The following AKAP13 variants were observed in gnomAD, a reference collection of about 807,000 sequenced individuals.
The protein encoded by AKAP13 is A-kinase anchoring protein 13, also known as A-kinase anchor protein 13.
In AKAP13, 80 loss-of-function variants were observed where a neutral mutation model predicts 264.5. The ratio of observed to expected loss-of-function variants is 0.30; its 90% CI spans 0.25 to 0.36. AKAP13 has a LOEUF of 0.36. Among genes scored for constraint, AKAP13 ranks in the 10% least tolerant of loss-of-function variants. The pLI is 1.00. For synonymous variants in AKAP13, 1,380 were observed against 1,250.2 expected, an observed-to-expected ratio of 1.10 and a Z score of -2.19; for missense variants, 3,712 against 3,435.2, an observed-to-expected ratio of 1.08 and a Z score of -2.01.
In AKAP13 at chr15:85,715,802, G is replaced by A. The variant is rs772477081; in HGVS notation, c.5614G>A (p.Glu1872Lys). 1 of 1,611,654 alleles carries A rather than the reference G, an allele frequency of 6.2e-7. No individual in the cohort carries two copies. The highest frequency in any genetic ancestry group is 8.5e-7 in the Non-Finnish European group (1 of 1,179,500). ...IMRNKPSQPK[E>K]RPRSAVLLVD... ...TCCTTTTGCAGCCTCACAGCCCAAG[G>A]AGCGTCCTCGGTCCGCAGTCCTCCT... The change falls in exon 20 of 37, where the codon GAG (glutamate) becomes AAG (lysine). Residue 1872 changes from glutamate to lysine, a missense_variant. By Grantham distance (56) the Glu-to-Lys change is moderately conservative (BLOSUM62 1). Coordinates refer to ENST00000394518, the MANE Select transcript of AKAP13 (RefSeq NM_007200.5).
chr15:85,635,356 A>G lies in AKAP13; in HGVS notation c.4162-4018A>G, dbSNP rs972817274. Among the ~76,000 whole-genome samples, 5 of 152,252 alleles carry G rather than the reference A, an allele frequency of 3.3e-5. No homozygotes were observed. The East Asian group carries it at 7.7e-4, about 23-fold the overall frequency. On this transcript the variant is annotated intron_variant, in intron 8 of 36. Transcript: ENST00000394518. ...TTTTTTGCTTATCTGCCTTTCGTAT[A>G]TCTTTTTAAATAAAATGTTTATTCA...
In AKAP13 at chr15:85,664,594, G is replaced by A; in HGVS notation, c.4831G>A (p.Gly1611Ser). Reference sequence around the variant, plus strand: ...TCTAGAAGGCTTGACAGGAGGAGCTGGTGTCGGAAACAAGCCATCCTCATC... The same window carrying A: ...TCTAGAAGGCTTGACAGGAGGAGCTAGTGTCGGAAACAAGCCATCCTCATC... ...FSLEGLTGGA[G>S]VGNKPSSSLE... is the part of the protein sequence containing the mutation. Residue 1611 changes from glycine to serine, a missense_variant, in exon 13 of 37, where the codon GGT (glycine) becomes AGT (serine). This residue lies in a region of AKAP13 where 2,759 missense variants were observed against 2,411.7 expected (regional missense o/e 1.14). Transcript: ENST00000394518. 3.1e-6 allele frequency: 5 copies of A among 1,613,460 alleles called. No homozygotes were observed. Among genetic ancestry groups the A allele is most frequent in the Non-Finnish European group, 4.2e-6 (5 of 1,179,614 alleles).
intron 1 of AKAP13, among the ~76,000 whole-genome samples, chr15:85,453,120 A>G (rs939475706): frequency 6.6e-6 from 1 of 152,142 alleles, no homozygotes; most frequent in African/African-American, 2.4e-5. Flanking sequence ...AGTTTACTGC[A>G]GCTTGTTGGA....
chr15:85,730,772 C>G (rs2087941469), intron 30 of AKAP13, 65 bp downstream of exon 30: 1 of 1,405,250 alleles, frequency 7.1e-7, no homozygotes. Context: ...ACTAATATTA[C>G]CTGCCAGTTT....
chr15:85,498,923 T>A (rs566067327), intron 2 of AKAP13, among the ~76,000 whole-genome samples: 3 of 152,300 alleles, frequency 2.0e-5, no homozygotes, highest in Admixed American at 2.0e-4. Flanking sequence ...ATGATTCTGA[T>A]GCACTCCAAA....
rs1008468129 is a variant in AKAP13 at position 85,445,565 on chromosome 15, G to T, written c.-11-40145G>T. Among the ~76,000 whole-genome samples, 4 of 152,052 alleles carry T rather than the reference G, an allele frequency of 2.6e-5. No homozygotes were observed. In the South Asian group the frequency reaches 8.3e-4, roughly 31 times the overall value. On this transcript the variant is annotated intron_variant, in intron 1 of 36. Coordinates refer to ENST00000394518, the MANE Select transcript of AKAP13 (RefSeq NM_007200.5). ...TTATGGAAGTAGTTTATATGACAGCGTGCTCTTATGAGCAGTCATTTAATT... is the reference window on the plus strand; with the variant it reads ...TTATGGAAGTAGTTTATATGACAGCTTGCTCTTATGAGCAGTCATTTAATT...
chr15:85,491,234 C>G (rs1221878621), intron 2 of AKAP13, among the ~76,000 whole-genome samples: 3 of 151,976 alleles, frequency 2.0e-5, no homozygotes, highest in Non-Finnish European at 4.4e-5. Flanking sequence ...TACTACAGCT[C>G]CTATCCCTGT....
intron 4 of AKAP13, among the ~76,000 whole-genome samples, chr15:85,543,370 T>C (rs2077633123): frequency 6.6e-6 from 1 of 152,228 alleles, no homozygotes; most frequent in Non-Finnish European, 1.5e-5. Flanking sequence ...AGCTATTCCC[T>C]CTTGGACCTC....
At chr15:85,382,415 A>G (rs527376887) in intron 1 of AKAP13, among the ~76,000 whole-genome samples, 9 of 152,282 alleles carry the variant, frequency 5.9e-5, no homozygotes, top group African/African-American at 2.2e-4. Flanking sequence ...TTGCACTTTT[A>G]AATTACAGAG....
intron 1 of AKAP13, among the ~76,000 whole-genome samples, chr15:85,430,070 G>A (rs906825248): frequency 2.6e-5 from 4 of 152,132 alleles, no homozygotes; most frequent in Admixed American, 6.5e-5. Context: ...TAGTAAAGTA[G>A]CCTTCATTTA....
intron 5 of AKAP13, among the ~76,000 whole-genome samples, chr15:85,563,517 T>A (rs906066439): frequency 6.6e-6 from 1 of 152,120 alleles, no homozygotes; most frequent in Non-Finnish European, 1.5e-5. Context: ...AACATTCCTT[T>A]GACTCATAAA....
intron 8 of AKAP13, among the ~76,000 whole-genome samples, chr15:85,602,731 G>A (rs576299873): frequency 9.9e-5 from 15 of 151,954 alleles, no homozygotes; most frequent in South Asian, 2.1e-4. Context: ...CTAGTGATCC[G>A]CCCGCCTCAG....
At chr15:85,543,154 G>A (rs569579714) in intron 4 of AKAP13, among the ~76,000 whole-genome samples, 116 of 152,284 alleles carry the variant, frequency 7.6e-4, no homozygotes, top group African/African-American at 2.6e-3. Flanking sequence ...TATTGTGCCA[G>A]GAGATGCATT....
chr15:85,420,288 G>C (rs1427654051), intron 1 of AKAP13, among the ~76,000 whole-genome samples: 2 of 151,726 alleles, frequency 1.3e-5, no homozygotes, highest in Admixed American at 6.6e-5. Context: ...ATAGAGCAGC[G>C]ATGGCTTCAA....
rs189013179 is a variant in AKAP13 at position 85,490,616 on chromosome 15, A to C, written c.33+4863A>C. ...GTTCCAGAAACCTGGGTTGCATTTT[A>C]GCCTTAAACATTTTGTTCCTGGTGT... On this transcript the variant is annotated intron_variant, in intron 2 of 36. Transcript: ENST00000394518. 3.2e-4 allele frequency among the ~76,000 whole-genome samples: 49 copies of C among 152,372 alleles called. 1 individual carries two copies. The highest frequency in any genetic ancestry group is 6.0e-4 in the Non-Finnish European group (41 of 68,038).
Position 85,581,110 on chromosome 15 carries a change from C to T in AKAP13, c.3042C>T (p.Ala1014=), listed in dbSNP as rs1210489971. The T allele has an allele frequency of 1.9e-6, 3 of 1,613,798 alleles. No individual in the cohort carries two copies. The highest frequency in any genetic ancestry group is 2.5e-6 in the Non-Finnish European group (3 of 1,179,880). Residue 1014 remains alanine (A), a synonymous_variant, in exon 7 of 37, where the codon GCC becomes GCT. Coordinates refer to ENST00000394518, the MANE Select transcript of AKAP13 (RefSeq NM_007200.5). ...QVSLLTQGGA[A]QSLVPPGASL... ...CACTGCTGACTCAAGGTGGGGCTGC[C>T]CAGAGCCTGGTGCCACCAGGAGCAA...
intron 1 of AKAP13, among the ~76,000 whole-genome samples, chr15:85,418,704 A>G (rs1283229735): frequency 1.3e-5 from 2 of 152,240 alleles, no homozygotes; most frequent in African/African-American, 2.4e-5. Flanking sequence ...TGTCTTTCCC[A>G]TATTTACAAT....
intron 1 of AKAP13, among the ~76,000 whole-genome samples, chr15:85,483,642 A>ACAAAAAC (rs1555434091): frequency 2.1e-5 from 3 of 145,198 alleles, no homozygotes; most frequent in Non-Finnish European, 3.0e-5. Context: ...CAAAAAAAAA[A>ACAAAAAC]AAAAAAAAAC....
chr15:85,659,444 GCTTT>G (rs1404978855), intron 12 of AKAP13, among the ~76,000 whole-genome samples: 6 of 152,146 alleles, frequency 3.9e-5, no homozygotes, highest in Non-Finnish European at 7.3e-5. Flanking sequence ...TCAAGTGGAT[GCTTT>G]CTTTAATTCC....
Sources: allele counts gnomAD v4.1 joint callset (sites outside exome capture counted in the v4.1 genomes callset), GRCh38; gene constraint gnomAD v4.1.1; regional missense constraint gnomAD v4.1.1; transcripts MANE v1.5; gene names NCBI Gene and HGNC (gene_info 2026-07-23, HGNC 2026-07-21).